Variants in AGMO observed in about 807,000 individuals in gnomAD.
The protein encoded by AGMO is glyceryl-ether monooxygenase.
AGMO carries 75 observed loss-of-function variants against 60.2 expected under a neutral mutation model. The observed-to-expected ratio is 1.25, with a 90% CI of 1.03 to 1.51. The LOEUF (loss-of-function observed/expected upper bound fraction) is 1.51. Ranked by LOEUF, AGMO falls within the 40% of genes most tolerant of loss-of-function variation. AGMO has a pLI of 0.00. For synonymous variants in AGMO, 261 were observed against 177.1 expected (o/e 1.47, Z -3.76); for missense variants, 763 against 525.5 (o/e 1.45, Z -4.42).
chr7:15,172,319 G>A, the AGMO span, among the ~76,000 whole-genome samples: 1 of 152,176 alleles, frequency 6.6e-6, no homozygotes, highest in Non-Finnish European at 1.5e-5. Context: ...ATTTAAATAA[G>A]TTGAGTGTAT....
intron 3 of AGMO, among the ~76,000 whole-genome samples, chr7:15,540,980 G>C (rs912578997): frequency 2.0e-5 from 3 of 152,132 alleles, no homozygotes; most frequent in African/African-American, 4.8e-5. Context: ...TCTCATTCTT[G>C]TTCCTCCCAA....
intron 10 of AGMO, among the ~76,000 whole-genome samples, chr7:15,382,638 TATG>T (rs1185222131): frequency 7.2e-5 from 11 of 152,322 alleles, no homozygotes; most frequent in African/African-American, 2.2e-4. Context: ...GCAATTATTT[TATG>T]ATAACAAAAT....
chr7:15,245,403 G>C (rs1435913543), intron 12 of AGMO, among the ~76,000 whole-genome samples: 1 of 152,132 alleles, frequency 6.6e-6, no homozygotes, highest in Non-Finnish European at 1.5e-5. Context: ...TTGGCTGAGA[G>C]GGAGTTTGAG....
At chr7:15,425,444 T>A (rs1204817834) in intron 4 of AGMO, among the ~76,000 whole-genome samples, 5 of 151,526 alleles carry the variant, frequency 3.3e-5, no homozygotes, top group Admixed American at 2.0e-4. Context: ...TTTATTTTTT[T>A]TTTTTTGAGA....
intron 5 of AGMO, among the ~76,000 whole-genome samples, chr7:15,401,815 G>A (rs1784559311): frequency 6.6e-6 from 1 of 152,156 alleles, no homozygotes; most frequent in African/African-American, 2.4e-5. Flanking sequence ...GCATGTGCAA[G>A]ATGATATGCT....
the AGMO span, among the ~76,000 whole-genome samples, chr7:15,166,445 A>G: frequency 7.2e-4 from 110 of 152,296 alleles, no homozygotes; most frequent in African/African-American, 2.5e-3. Flanking sequence ...GAGGAGTCAG[A>G]GAGGAAGAAG....
At chr7:15,233,994 C>T (rs1210412040) in intron 12 of AGMO, among the ~76,000 whole-genome samples, 1 of 152,098 alleles carries the variant, frequency 6.6e-6, no homozygotes, top group Non-Finnish European at 1.5e-5. Flanking sequence ...TTGCAGTGAG[C>T]CGAGATGGCG....
intron 12 of AGMO, among the ~76,000 whole-genome samples, chr7:15,364,744 G>C (rs945237115): frequency 6.6e-6 from 1 of 151,990 alleles, no homozygotes; most frequent in African/African-American, 2.4e-5. Context: ...ATTAAATAAT[G>C]AAAGTGTATA....
intron 3 of AGMO, among the ~76,000 whole-genome samples, chr7:15,489,452 A>C (rs2128520318): frequency 6.6e-6 from 1 of 152,260 alleles, no homozygotes; most frequent in Middle Eastern, 3.4e-3. Flanking sequence ...CAATCTTCAC[A>C]TGTACAGTAC....
chr7:15,475,661 A>T (rs1698108913), intron 3 of AGMO, among the ~76,000 whole-genome samples: 2 of 152,098 alleles, frequency 1.3e-5, no homozygotes, highest in Admixed American at 6.6e-5. Context: ...TGTTCAGCAC[A>T]TGTATCCCAG....
intron 3 of AGMO, among the ~76,000 whole-genome samples, chr7:15,526,372 A>C (rs1784129059): frequency 6.6e-6 from 1 of 152,176 alleles, no homozygotes; most frequent in Non-Finnish European, 1.5e-5. Context: ...GCTGACTCCA[A>C]GTTTTAGTGA....
intron 3 of AGMO, among the ~76,000 whole-genome samples, chr7:15,533,843 G>A (rs760809465): frequency 3.9e-5 from 6 of 152,136 alleles, no homozygotes; most frequent in African/African-American, 1.4e-4. Flanking sequence ...CATAGAAAAC[G>A]TGTCTTCTTC....
chr7:15,359,427 C>T (rs1381919090), intron 12 of AGMO, among the ~76,000 whole-genome samples: 1 of 151,686 alleles, frequency 6.6e-6, no homozygotes, highest in Non-Finnish European at 1.5e-5. Flanking sequence ...GTAGTGAAAA[C>T]ATTTCATTTA....
chr7:15,491,858 G>C (rs924755240), intron 3 of AGMO, among the ~76,000 whole-genome samples: 2 of 151,940 alleles, frequency 1.3e-5, no homozygotes, highest in African/African-American at 2.4e-5. Context: ...AAGCCATTTG[G>C]TTAATCCCAA....
At chr7:15,187,835 C>T in the AGMO span, among the ~76,000 whole-genome samples, 1 of 152,056 alleles carries the variant, frequency 6.6e-6, no homozygotes, top group African/African-American at 2.4e-5. Flanking sequence ...TTCCTCTTGT[C>T]TTGTTGGTGT....
At chr7:15,203,200 T>G (rs575825579) in intron 12 of AGMO, among the ~76,000 whole-genome samples, 1 of 152,228 alleles carries the variant, frequency 6.6e-6, no homozygotes, top group Admixed American at 6.5e-5. Context: ...TTCTCCTCTT[T>G]TCCATTCTCA....
In AGMO at chr7:15,253,875, G is replaced by T. The variant is rs78387131; in HGVS notation, c.1264-52516C>A. The stretch of plus-strand genomic sequence containing the variant: ...CTCTCGTCTATTCTCCCAATTCTCT[G>T]GTAACCATTATTCTGTTTTCAATTT... On this transcript the variant is annotated intron_variant, in intron 12 of 12. Coordinates refer to ENST00000342526, the MANE Select transcript of AGMO (RefSeq NM_001004320.2). Among the ~76,000 whole-genome samples the T allele has an allele frequency of 1.9e-3, 285 of 151,896 alleles. 8 individuals carry two copies. In the East Asian group the frequency reaches 0.049, roughly 26 times the overall value.
At position 15,357,170 on chromosome 7, in the gene AGMO, T is replaced by C. The variant is rs142446394; in HGVS notation, c.1263+8344A>G. On this transcript the variant is annotated intron_variant, in intron 12 of 12. Transcript: ENST00000342526. ...AATACTGAAATAGATGAGTCAAAAT[T>C]GCTCTATACTATGAATATTCGTGTG... 9.4e-4 allele frequency among the ~76,000 whole-genome samples: 138 copies of C among 147,148 alleles called. 3 individuals carry two copies. In the East Asian group the frequency reaches 0.025, roughly 26 times the overall value.
intron 12 of AGMO, among the ~76,000 whole-genome samples, chr7:15,316,202 A>C (rs934441759): frequency 1.3e-5 from 2 of 152,190 alleles, no homozygotes; most frequent in Non-Finnish European, 2.9e-5. Context: ...AGAGGACAGA[A>C]CACTTTAATT....
Sources: allele counts gnomAD v4.1 joint callset (sites outside exome capture counted in the v4.1 genomes callset), GRCh38; gene constraint gnomAD v4.1.1; transcripts MANE v1.5; gene names NCBI Gene and HGNC (gene_info 2026-07-23, HGNC 2026-07-21).